Variants in CSMD3 observed in about 807,000 individuals in gnomAD.
CSMD3 encodes the protein CUB and Sushi multiple domains 3, also known as CUB and sushi domain-containing protein 3.
Under a neutral mutation model 435.2 loss-of-function variants are expected in CSMD3, and 177 were observed. That is an observed-to-expected ratio of 0.41 (90% CI 0.36 to 0.46). The LOEUF (loss-of-function observed/expected upper bound fraction) is 0.46. Among genes scored for constraint, CSMD3 ranks in the 20% least tolerant of loss-of-function variants. The pLI, the probability that CSMD3 is intolerant of heterozygous loss-of-function variation, is 0.34. For synonymous variants in CSMD3, 1,656 were observed against 1,520.5 expected, an observed-to-expected ratio of 1.09 and a Z score of -2.07; for missense variants, 4,265 against 4,504.6, an observed-to-expected ratio of 0.95 and a Z score of 1.52.
At chr8:113,166,903 AGTT>A (rs1306816304) in intron 4 of CSMD3, among the ~76,000 whole-genome samples, 1 of 152,172 alleles carries the variant, frequency 6.6e-6, no homozygotes, top group Non-Finnish European at 1.5e-5. Context: ...AGTTATTACT[AGTT>A]GTTGAATACC....
intron 61 of CSMD3, among the ~76,000 whole-genome samples, chr8:112,262,297 A>G (rs150697493): frequency 1.3e-5 from 2 of 152,054 alleles, no homozygotes; most frequent in Admixed American, 1.3e-4. Context: ...TGTTCTCCAT[A>G]ACATTGTTTT....
In CSMD3 at chr8:112,670,217, T is replaced by C. The variant is rs568234134; in HGVS notation, c.2678-3802A>G. Among the ~76,000 whole-genome samples the C allele has an allele frequency of 4.6e-5, 7 of 152,194 alleles. No homozygotes were observed. In the East Asian group the frequency reaches 5.8e-4, roughly 13 times the overall value. On this transcript the variant is annotated intron_variant, in intron 16 of 70. Transcript: ENST00000297405. Reference sequence around the variant, plus strand: ...CCAACAGAAAAACTGAGGGAGGATATTGTAAATGAAAGCAACATCACATGC... The same window carrying C: ...CCAACAGAAAAACTGAGGGAGGATACTGTAAATGAAAGCAACATCACATGC...
At chr8:112,265,742 T>C (rs1026247755) in intron 59 of CSMD3, 152 bp from the exon 60 acceptor site, 2 of 691,464 alleles carry the variant, frequency 2.9e-6, no homozygotes, top group Admixed American at 4.0e-5. Flanking sequence ...TTAAACCACA[T>C]ACTGGCAATT....
At chr8:112,793,610 A>C (rs1247550046) in intron 13 of CSMD3, among the ~76,000 whole-genome samples, 1 of 152,204 alleles carries the variant, frequency 6.6e-6, no homozygotes, top group African/African-American at 2.4e-5. Flanking sequence ...AAAGGTTTGC[A>C]GAGACTTCAG....
At chr8:112,743,966 T>C (rs80058419) in intron 13 of CSMD3, among the ~76,000 whole-genome samples, 3,861 of 152,094 alleles carry the variant, frequency 0.025, 78 homozygotes, top group East Asian at 0.074. Context: ...GGTAAAATTA[T>C]TTCCTGAAGA....
intron 27 of CSMD3, among the ~76,000 whole-genome samples, chr8:112,535,295 C>T (rs999167270): frequency 1.1e-4 from 16 of 152,106 alleles, no homozygotes; most frequent in African/African-American, 3.9e-4. Context: ...CCCAAATCTC[C>T]TTAAGCTGAT....
chr8:112,951,712 A>G (rs973842668), intron 8 of CSMD3, among the ~76,000 whole-genome samples: 8 of 151,760 alleles, frequency 5.3e-5, no homozygotes, highest in African/African-American at 1.9e-4. Flanking sequence ...TTAGTCTAGC[A>G]TAGTGCTGCC....
intron 3 of CSMD3, among the ~76,000 whole-genome samples, chr8:113,195,658 T>C (rs1344125585): frequency 1.3e-5 from 2 of 150,276 alleles, no homozygotes; most frequent in African/African-American, 2.4e-5. Context: ...ACCATCATGA[T>C]GAGAAAGAAC....
At chr8:112,757,242 A>T (rs1355108293) in intron 13 of CSMD3, among the ~76,000 whole-genome samples, 1 of 152,142 alleles carries the variant, frequency 6.6e-6, no homozygotes, top group Non-Finnish European at 1.5e-5. Context: ...ATTAATGTTT[A>T]AATGATTGTT....
chr8:112,982,418 T>C lies in CSMD3; in HGVS notation c.1031-6270A>G, dbSNP rs1298745431. Among the ~76,000 whole-genome samples, 4 of 151,918 alleles carry C rather than the reference T, an allele frequency of 2.6e-5. No individual in the cohort carries two copies. In the Admixed American group the frequency reaches 2.6e-4, roughly 10 times the overall value. On this transcript the variant is annotated intron_variant, in intron 6 of 70. Transcript: ENST00000297405. ...GCCCCTCTACATCTTTGTACAACCA[T>C]CAACCAGAATCCTGAATCTTTAGAT...
intron 31 of CSMD3, among the ~76,000 whole-genome samples, chr8:112,482,544 AC>A (rs900127477): frequency 2.0e-5 from 3 of 152,076 alleles, no homozygotes; most frequent in African/African-American, 7.2e-5. Context: ...TGTTGTCACT[AC>A]CCCCAAGTTC....
rs1239549083 is a variant in CSMD3 at position 112,954,718 on chromosome 8, A to C, written c.1386T>G (p.Phe462Leu). ...ACTTGTTGCTGTTGTCTTTCCCTGG[A>C]AACAATTTAAATCCTCTAGATTTAA... Reference protein sequence around the residue: ...IDFKSRGFKLFPGKDNSNKFS... With the variant: ...IDFKSRGFKLLPGKDNSNKFS... Residue 462 changes from phenylalanine (F) to leucine (L), a missense_variant, in exon 8 of 71, where the codon TTT becomes TTG. Coordinates refer to ENST00000297405, the MANE Select transcript of CSMD3 (RefSeq NM_198123.2). The C allele has an allele frequency of 6.2e-7, 1 of 1,603,126 alleles. No homozygotes were observed. The highest frequency in any genetic ancestry group is 2.2e-5 in the East Asian group (1 of 44,612).
chr8:112,727,601 C>G (rs886694821), intron 13 of CSMD3, among the ~76,000 whole-genome samples: 21 of 151,678 alleles, frequency 1.4e-4, no homozygotes, highest in African/African-American at 5.1e-4. Flanking sequence ...TACTGACCAT[C>G]AGCCTATATA....
At chr8:112,905,710 G>A (rs1031943398) in intron 10 of CSMD3, among the ~76,000 whole-genome samples, 1 of 151,316 alleles carries the variant, frequency 6.6e-6, no homozygotes, top group African/African-American at 2.4e-5. Flanking sequence ...TATCCCTTTG[G>A]GAACTGGGGC....
At chr8:112,921,034 CATAT>C (rs549728904) in intron 10 of CSMD3, among the ~76,000 whole-genome samples, 1 of 129,838 alleles carries the variant, frequency 7.7e-6, no homozygotes, top group South Asian at 2.5e-4. Flanking sequence ...CACACACACA[CATAT>C]ATATACCTCC....
intron 13 of CSMD3, among the ~76,000 whole-genome samples, chr8:112,700,240 G>A (rs1587005662): frequency 6.6e-6 from 1 of 151,744 alleles, no homozygotes; most frequent in South Asian, 2.1e-4. Context: ...GTGGCTCATG[G>A]CTGTAATCCC....
chr8:113,402,158 T>C (rs1225318674), intron 1 of CSMD3, among the ~76,000 whole-genome samples: 2 of 151,354 alleles, frequency 1.3e-5, no homozygotes, highest in Non-Finnish European at 3.0e-5. Context: ...TGAGTCACTA[T>C]CTTAAATTTT....
At chr8:112,741,643 T>C (rs1377844654) in intron 13 of CSMD3, among the ~76,000 whole-genome samples, 1 of 151,896 alleles carries the variant, frequency 6.6e-6, no homozygotes, top group African/African-American at 2.4e-5. Context: ...GACCTTAGCA[T>C]GCAGTTAAAA....
chr8:113,120,886 A>C (rs2090966789), intron 4 of CSMD3, among the ~76,000 whole-genome samples: 1 of 152,140 alleles, frequency 6.6e-6, no homozygotes, highest in Non-Finnish European at 1.5e-5. Context: ...TTTTGACTGT[A>C]TAGTAATATA....
Sources: gnomAD v4.1 joint callset for allele counts (sites outside exome capture counted in the v4.1 genomes callset) on GRCh38, gnomAD v4.1.1 for gene constraint, MANE v1.5 for transcripts, NCBI Gene and HGNC (gene_info 2026-07-23, HGNC 2026-07-21) for gene names.